Variants in SFMBT1 observed in about 807,000 individuals in gnomAD.
The protein encoded by SFMBT1 is Scm like with four mbt domains 1.
A neutral mutation model predicts 108.7 loss-of-function variants in SFMBT1; 32 were observed. That is an observed-to-expected ratio of 0.29 (90% CI 0.22 to 0.40). SFMBT1 has a LOEUF of 0.40. SFMBT1 is among the 10% of genes least tolerant of loss of function. The pLI, the probability that SFMBT1 is intolerant of heterozygous loss-of-function variation, is 1.00. For missense variants in SFMBT1, 816 were observed against 1,059.6 expected (o/e 0.77, Z 3.19); for synonymous variants, 348 against 369.5 (o/e 0.94, Z 0.67).
At chr3:52,920,026 T>A (rs1057063095) in intron 12 of SFMBT1, among the ~76,000 whole-genome samples, 2 of 152,228 alleles carry the variant, frequency 1.3e-5, no homozygotes, top group Non-Finnish European at 2.9e-5. Context: ...TAGTCCCTTC[T>A]ACCATGTGAG....
intron 1 of SFMBT1, among the ~76,000 whole-genome samples, chr3:52,987,666 C>A (rs1388818386): frequency 6.6e-6 from 1 of 152,112 alleles, no homozygotes; most frequent in African/African-American, 2.4e-5. Flanking sequence ...TGTCTTATAC[C>A]ATAGAGTGAT....
At chr3:53,030,251 T>C (rs1057181014) in intron 1 of SFMBT1, among the ~76,000 whole-genome samples, 1 of 152,154 alleles carries the variant, frequency 6.6e-6, no homozygotes, top group Non-Finnish European at 1.5e-5. Context: ...GTCTAAAATA[T>C]ATCACCATTT....
At chr3:52,932,025 T>C (rs753602723) in intron 6 of SFMBT1, 37 bp downstream of exon 6, 1 of 1,597,326 alleles carries the variant, frequency 6.3e-7, no homozygotes, top group Non-Finnish European at 8.5e-7. Context: ...CATAGCATGT[T>C]AATGTCACAG....
intron 1 of SFMBT1, among the ~76,000 whole-genome samples, chr3:53,008,460 T>C (rs1698824390): frequency 6.6e-6 from 1 of 152,204 alleles, no homozygotes; most frequent in Non-Finnish European, 1.5e-5. Flanking sequence ...ACAAATTCTT[T>C]CCAACAAGAA....
chr3:52,985,322 T>C (rs1380081655), intron 1 of SFMBT1, among the ~76,000 whole-genome samples: 1 of 152,152 alleles, frequency 6.6e-6, no homozygotes, highest in Non-Finnish European at 1.5e-5. Flanking sequence ...AAGTCACAGA[T>C]CAGAAACTTC....
intron 2 of SFMBT1, among the ~76,000 whole-genome samples, chr3:52,958,331 C>CACTTTGGGAG: frequency 6.6e-6 from 1 of 152,202 alleles, no homozygotes; most frequent in African/African-American, 2.4e-5. Flanking sequence ...TGGCTCATGC[C>CACTTTGGGAG]TGTAATCCCA....
intron 1 of SFMBT1, among the ~76,000 whole-genome samples, chr3:52,970,984 A>G (rs1704322283): frequency 6.6e-6 from 1 of 151,904 alleles, no homozygotes; most frequent in Non-Finnish European, 1.5e-5. Context: ...TATATATGAA[A>G]ATTAGCTGGG....
chr3:52,959,307 G>C (rs1022862815), intron 2 of SFMBT1, among the ~76,000 whole-genome samples: 1 of 152,122 alleles, frequency 6.6e-6, no homozygotes, highest in Non-Finnish European at 1.5e-5. Flanking sequence ...ATTTCAAATC[G>C]AATCACTTCC....
At chr3:52,953,417 G>GT (rs1703659815) in intron 3 of SFMBT1, among the ~76,000 whole-genome samples, 2 of 149,246 alleles carry the variant, frequency 1.3e-5, no homozygotes. Context: ...GGGCGATGGA[G>GT]TGAGACACTG....
rs114604541 is a variant in SFMBT1, at chr3:52,947,076, T to C, written c.124-3483A>G. ...CGTGAGTCACCACGCCTGGCTCCTT[T>C]TGCTCCACTCTAACCAACATTTTTC... On this transcript the variant is annotated intron_variant, in intron 3 of 20. Coordinates refer to ENST00000394752, the MANE Select transcript of SFMBT1 (RefSeq NM_016329.4). 3.0e-3 allele frequency among the ~76,000 whole-genome samples: 449 copies of C among 151,816 alleles called. 1 individual carries two copies. Among genetic ancestry groups the C allele is most frequent in the African/African-American group, 0.01 (431 of 41,420 alleles).
chr3:52,983,481 CCT>C (rs1704794262), intron 1 of SFMBT1, among the ~76,000 whole-genome samples: 1 of 152,148 alleles, frequency 6.6e-6, no homozygotes, highest in African/African-American at 2.4e-5. Flanking sequence ...GGTCAACACC[CCT>C]GTGTTGTTCA....
rs1702013836 is a variant in SFMBT1 at position 52,904,288 on chromosome 3, A to G, written c.*848T>C. Reference sequence around the variant, plus strand: ...AGGGCAATTAAACAGAAATACTAACAGTCTTGGTGATGTTACTTAACACAG... The same window carrying G: ...AGGGCAATTAAACAGAAATACTAACGGTCTTGGTGATGTTACTTAACACAG... On this transcript the variant is annotated 3_prime_UTR_variant, in exon 21 of 21. Transcript: ENST00000394752. 1 of 152,230 alleles carries G rather than the reference A, an allele frequency of 6.6e-6. No individual in the cohort carries two copies. The highest frequency in any genetic ancestry group is 1.9e-4 in the East Asian group (1 of 5,202). The allele number at this position is 152,230 out of a possible 1,614,324, so 9.4% of individuals were successfully genotyped here.
At chr3:53,018,031 G>C (rs934343156) in intron 1 of SFMBT1, 2 of 152,278 alleles carry the variant, frequency 1.3e-5, no homozygotes, top group African/African-American at 2.4e-5. Context: ...AGGAGATCGA[G>C]ACTATCCTGG....
intron 2 of SFMBT1, among the ~76,000 whole-genome samples, chr3:52,965,165 G>A (rs998941230): frequency 6.6e-6 from 1 of 151,588 alleles, no homozygotes; most frequent in Non-Finnish European, 1.5e-5. Flanking sequence ...TCCTTCTCCA[G>A]CTCAAAAATA....
At chr3:52,910,513 G>A (rs1051630712) in intron 17 of SFMBT1, among the ~76,000 whole-genome samples, 2 of 151,976 alleles carry the variant, frequency 1.3e-5, no homozygotes, top group Non-Finnish European at 2.9e-5. Context: ...TGGAGACACA[G>A]AGTCTCGTTT....
chr3:52,946,776 C>CTT (rs34235258), intron 3 of SFMBT1, among the ~76,000 whole-genome samples: 129,658 of 145,302 alleles, frequency 0.89, 59,375 homozygotes, highest in Non-Finnish European at 0.99. Context: ...TGCTCCATTC[C>CTT]TTTTTTTTTT....
intron 1 of SFMBT1, among the ~76,000 whole-genome samples, chr3:52,991,045 C>T (rs1457996636): frequency 6.6e-6 from 1 of 151,876 alleles, no homozygotes; most frequent in African/African-American, 2.4e-5. Context: ...TCTTCAGCAA[C>T]TATACCTAGC....
intron 13 of SFMBT1, among the ~76,000 whole-genome samples, chr3:52,918,208 G>A (rs905472071): frequency 1.3e-5 from 2 of 152,066 alleles, no homozygotes; most frequent in African/African-American, 4.8e-5. Context: ...ATACCAGCAT[G>A]GGCACTCTTA....
chr3:52,966,173 C>T (rs1305387526), intron 2 of SFMBT1, among the ~76,000 whole-genome samples: 3 of 144,718 alleles, frequency 2.1e-5, no homozygotes, highest in Non-Finnish European at 4.5e-5. Flanking sequence ...AAAAATTTGC[C>T]GGGCGTGGTG....
Sources: gnomAD v4.1 joint callset for allele counts (sites outside exome capture counted in the v4.1 genomes callset) on GRCh38, gnomAD v4.1.1 for gene constraint, MANE v1.5 for transcripts, NCBI Gene and HGNC (gene_info 2026-07-23, HGNC 2026-07-21) for gene names.